The following PTPN22 variants were observed in gnomAD, a reference collection of about 807,000 sequenced individuals.
The protein encoded by PTPN22 is protein tyrosine phosphatase non-receptor type 22.
Under a neutral mutation model 103.3 loss-of-function variants are expected in PTPN22, and 85 were observed. That is an observed-to-expected ratio of 0.82 (90% confidence interval 0.69 to 0.99). PTPN22 has a LOEUF of 0.99. Ranked by LOEUF, PTPN22 falls within the 50% of genes least tolerant of loss-of-function variation. The probability of loss-of-function intolerance (pLI) is 0.00; values close to 1 mark genes in which losing one functional copy is unlikely to be tolerated. For missense variants in PTPN22, 865 were observed against 936.9 expected, an observed-to-expected ratio of 0.92 and a Z score of 1.00; for synonymous variants, 323 against 310.2, an observed-to-expected ratio of 1.04 and a Z score of -0.43.
intron 18 of PTPN22, among the ~76,000 whole-genome samples, chr1:113,828,604 C>T (rs557435752): frequency 1.3e-5 from 2 of 152,072 alleles, no homozygotes; most frequent in East Asian, 1.9e-4. Flanking sequence ...TTACTCTGCT[C>T]GTATATGTTT....
In PTPN22 at chr1:113,853,000, G is replaced by A. The variant is rs371964635; in HGVS notation, c.751-896C>T. Among the ~76,000 whole-genome samples the A allele has an allele frequency of 4.4e-3, 670 of 152,228 alleles. 2 individuals carry two copies. The highest frequency in any genetic ancestry group is 0.016 in the African/African-American group (645 of 41,540). ...GCTGCCCAGGCTGGAGTGCAACAGC[G>A]CGATCTCGGCTCACTGCAGCCTCTG... On this transcript the variant is annotated intron_variant, in intron 9 of 20. Transcript: ENST00000359785.
Position 113,835,699 on chromosome 1 carries a change from G to T in PTPN22, c.1811-706C>A, listed in dbSNP as rs565648383. 1.1e-4 allele frequency among the ~76,000 whole-genome samples: 17 copies of T among 152,078 alleles called. No homozygotes were observed. In the South Asian group the frequency reaches 2.7e-3, roughly 24 times the overall value. ...TATAAAGTGCTTTGACGTGTAAAAG[G>T]TTCAGTTATACATTAGGTAAAATCA... On this transcript the variant is annotated intron_variant, in intron 13 of 20. Coordinates refer to ENST00000359785, the Ensembl canonical transcript of PTPN22.
chr1:113,861,772 A>C (rs1007207758), intron 1 of PTPN22, among the ~76,000 whole-genome samples: 1 of 152,178 alleles, frequency 6.6e-6, no homozygotes, highest in African/African-American at 2.4e-5. Flanking sequence ...AGGGCAGAAA[A>C]AGTAATAAAC....
chr1:113,819,714 A>C, intron 19 of PTPN22, 60 bp from the exon 20 acceptor site: 1 of 1,107,526 alleles, frequency 9.0e-7, no homozygotes, highest in East Asian at 2.4e-5. Context: ...ATGACTGTTG[A>C]TCAGATCACA....
intron 19 of PTPN22, 169 bp from the exon 20 acceptor site, chr1:113,819,823 C>G: frequency 2.5e-6 from 1 of 398,402 alleles, no homozygotes. Context: ...CTATAATATT[C>G]TCATTTGTAT....
intron 1 of PTPN22, among the ~76,000 whole-genome samples, chr1:113,860,787 T>C (rs570932099): frequency 1.3e-5 from 2 of 152,360 alleles, no homozygotes; most frequent in African/African-American, 4.8e-5. Context: ...AACAGTTTCT[T>C]CTAGGAGTCT....
chr1:113,865,898 T>G (rs1353219358), intron 1 of PTPN22, among the ~76,000 whole-genome samples: 1 of 152,236 alleles, frequency 6.6e-6, no homozygotes, highest in Non-Finnish European at 1.5e-5. Flanking sequence ...TTCCCACATT[T>G]TACTGACTTA....
exon 12 of PTPN22, chr1:113,838,591 T>A (rs1163421897): frequency 6.2e-7 from 1 of 1,613,676 alleles, no homozygotes; most frequent in African/African-American, 1.3e-5. Flanking sequence ...GAGTGTGATT[T>A]TTCTCAGGAA....
intron 11 of PTPN22, among the ~76,000 whole-genome samples, chr1:113,847,340 G>T (rs1664185071): frequency 9.1e-6 from 1 of 109,770 alleles, no homozygotes; most frequent in Non-Finnish European, 2.0e-5. Flanking sequence ...TTGTTTTGTT[G>T]TTGTTGTTTT....
At chr1:113,831,540 T>C (rs1437473791) in intron 16 of PTPN22, among the ~76,000 whole-genome samples, 1 of 152,188 alleles carries the variant, frequency 6.6e-6, no homozygotes, top group Admixed American at 6.5e-5. Context: ...TTATTTTCTG[T>C]ATTTCACAAA....
intron 1 of PTPN22, among the ~76,000 whole-genome samples, chr1:113,868,453 G>A (rs553770955): frequency 1.1e-4 from 16 of 152,252 alleles, no homozygotes; most frequent in African/African-American, 3.9e-4. Flanking sequence ...CTGATTTAGT[G>A]GCAGTATTTA....
chr1:113,829,539 T>G, intron 18 of PTPN22, 53 bp downstream of exon 18: 1 of 1,026,768 alleles, frequency 9.7e-7, no homozygotes, highest in Non-Finnish European at 1.4e-6. Flanking sequence ...AGGGGGAAAC[T>G]TTCAGTAAGG....
At position 113,858,585 on chromosome 1, in the gene PTPN22, C is replaced by A. The variant is rs1281280346; in HGVS notation, c.274-12G>T. On this transcript the variant is annotated splice_polypyrimidine_tract_variant and intron_variant, in intron 3 of 20. Transcript: ENST00000359785. ...GGTCCATAAACTCCCTAAAGGGGAA[C>A]AGAAATTACACGGGGTGACTACAAA... The A allele has an allele frequency of 6.7e-7, 1 of 1,485,984 alleles. No homozygotes were observed. Among genetic ancestry groups the A allele is most frequent in the Non-Finnish European group, 9.2e-7 (1 of 1,081,980 alleles). 92.0% of individuals were successfully genotyped at this position (1,485,984 alleles called of 1,614,324 possible).
chr1:113,868,081 G>C (rs1666265462), intron 1 of PTPN22, among the ~76,000 whole-genome samples: 1 of 151,984 alleles, frequency 6.6e-6, no homozygotes, highest in South Asian at 2.1e-4. Flanking sequence ...TTGTTGTTGT[G>C]TTATTTTTGG....
intron 11 of PTPN22, among the ~76,000 whole-genome samples, chr1:113,847,753 ATT>A (rs1664223920): frequency 6.6e-6 from 1 of 150,850 alleles, no homozygotes; most frequent in Non-Finnish European, 1.5e-5. Context: ...TAATTTTTGT[ATT>A]TTTAGTAGAG....
At chr1:113,819,030 A>T (rs1260864459) in intron 20 of PTPN22, among the ~76,000 whole-genome samples, 1 of 152,262 alleles carries the variant, frequency 6.6e-6, no homozygotes, top group East Asian at 1.9e-4. Flanking sequence ...ACAAAAAATT[A>T]TACCTGATAC....
At chr1:113,843,895 A>G (rs1298915743) in intron 11 of PTPN22, among the ~76,000 whole-genome samples, 2 of 152,162 alleles carry the variant, frequency 1.3e-5, no homozygotes, top group Admixed American at 6.5e-5. Flanking sequence ...CAAATTATCT[A>G]TGTCATGCTG....
At chr1:113,830,064 T>A in intron 16 of PTPN22, 35 bp from the exon 17 acceptor site, 1 of 1,454,816 alleles carries the variant, frequency 6.9e-7, no homozygotes, top group Non-Finnish European at 9.5e-7. Context: ...ACCAGAGAAA[T>A]CCATCAATTA....
At chr1:113,835,443 G>A (rs779091748) in intron 13 of PTPN22, among the ~76,000 whole-genome samples, 8 of 152,088 alleles carry the variant, frequency 5.3e-5, no homozygotes, top group Non-Finnish European at 8.8e-5. Flanking sequence ...GCGTGAACCC[G>A]GAAGGCAGAG....
Sources: allele counts gnomAD v4.1 joint callset (sites outside exome capture counted in the v4.1 genomes callset), GRCh38; gene constraint gnomAD v4.1.1; transcripts MANE v1.5; gene names NCBI Gene and HGNC (gene_info 2026-07-23, HGNC 2026-07-21).